Variants in MPRIP observed in about 807,000 individuals in gnomAD.
The protein encoded by MPRIP is myosin phosphatase Rho interacting protein, also known as myosin phosphatase Rho-interacting protein.
Under a neutral mutation model 234.9 loss-of-function variants are expected in MPRIP, and 59 were observed. The observed-to-expected ratio is 0.25, with a 90% CI of 0.20 to 0.31. MPRIP has a LOEUF of 0.31. Ranked by LOEUF, MPRIP falls within the 10% of genes least tolerant of loss-of-function variation. MPRIP has a pLI of 1.00. For synonymous variants in MPRIP, 1,144 were observed against 1,263.9 expected, an observed-to-expected ratio of 0.91 and a Z score of 2.01; for missense variants, 2,436 against 3,071.0, an observed-to-expected ratio of 0.79 and a Z score of 4.89.
Position 17,080,715 on chromosome 17 carries a change from T to C in MPRIP, c.267+2639T>C, listed in dbSNP as rs768393548. Among the ~76,000 whole-genome samples, 50 of 152,244 alleles carry C rather than the reference T, an allele frequency of 3.3e-4. 1 individual carries two copies. Among genetic ancestry groups the C allele is most frequent in the Admixed American group, 1.1e-3 (17 of 15,284 alleles). ...GTCAACAGTGCCAAGGCCAAGAAAC[T>C]GAGCAGTTTCGACAGGGGTTTATTT... On this transcript the variant is annotated intron_variant, in intron 3 of 23. Coordinates refer to ENST00000651222, the MANE Select transcript of MPRIP (RefSeq NM_001364716.4).
intron 1 of MPRIP, among the ~76,000 whole-genome samples, chr17:17,052,544 C>T (rs964830749): frequency 1.5e-4 from 23 of 152,130 alleles, no homozygotes; most frequent in African/African-American, 4.1e-4. Context: ...AAGTCCAGCA[C>T]GATTTTTTCC....
In MPRIP at chr17:17,078,789, A is replaced by G. The variant is rs938448761; in HGVS notation, c.267+713A>G. Among the ~76,000 whole-genome samples, 1 of 152,214 alleles carries G rather than the reference A, an allele frequency of 6.6e-6. No homozygotes were observed. The highest frequency in any genetic ancestry group is 1.5e-5 in the Non-Finnish European group (1 of 68,048). Reference sequence around the variant, plus strand: ...CTCTAAAGGAGATTAGTCTCTCCTAATTAATCTAAAGTAGGACTGCATTCC... The same window carrying G: ...CTCTAAAGGAGATTAGTCTCTCCTAGTTAATCTAAAGTAGGACTGCATTCC... On this transcript the variant is annotated intron_variant, in intron 3 of 23. Coordinates refer to ENST00000651222, the MANE Select transcript of MPRIP (RefSeq NM_001364716.4). This position sits in a 1 kb window ranked among gnomAD's most constrained non-coding sequence, Gnocchi z 4.3.
At chr17:17,155,344 G>T (rs983787454) in intron 13 of MPRIP, among the ~76,000 whole-genome samples, 2 of 151,492 alleles carry the variant, frequency 1.3e-5, no homozygotes, top group African/African-American at 2.4e-5. Context: ...CCTCCACCTC[G>T]TGGGTTCAAG....
At chr17:17,048,803 C>A in intron 1 of MPRIP, among the ~76,000 whole-genome samples, 1 of 152,250 alleles carries the variant, frequency 6.6e-6, no homozygotes, top group Non-Finnish European at 1.5e-5. Context: ...TAAAACCTAC[C>A]ACGTGAGCCA....
In MPRIP at chr17:17,184,825, T is replaced by A; in HGVS notation, c.7209T>A (p.Ser2403Arg). ...CCTCCTGCTCTGTCTCTACCCAGAG[T>A]CTGAAGGAAGGCCTGACGGTGCAAG... is the stretch of plus-strand genomic sequence containing the variant. ...TRQLRNIRSK[S>R]LKEGLTVQER... Residue 2403 changes from serine to arginine, a missense_variant and splice_region_variant, in exon 24 of 24, where the codon AGT becomes AGA. Around this residue, in one of 4 missense-constraint regions of MPRIP, gnomAD observed 1,998 missense variants for 2,520.3 expected, o/e 0.79. Transcript: ENST00000651222. 6.2e-7 allele frequency: 1 copy of A among 1,611,638 alleles called. No homozygotes were observed.
chr17:17,131,505 G>A, intron 4 of MPRIP, 112 bp from the exon 5 acceptor site: 2 of 839,820 alleles, frequency 2.4e-6, no homozygotes, highest in South Asian at 1.5e-5. Context: ...GTAGCAGTCT[G>A]TCACTGGGGA....
intron 14 of MPRIP, among the ~76,000 whole-genome samples, chr17:17,160,302 G>C (rs1964849256): frequency 6.6e-6 from 1 of 152,174 alleles, no homozygotes. Context: ...GGAGGCAGAG[G>C]TTGCAGTGAC....
At chr17:17,112,278 C>T (rs892687180) in intron 3 of MPRIP, among the ~76,000 whole-genome samples, 4 of 152,274 alleles carry the variant, frequency 2.6e-5, no homozygotes, top group East Asian at 1.9e-4. Context: ...GGACAAGTCT[C>T]GAGCCTTGTG....
chr17:17,134,654 G>A (rs2090659184), intron 5 of MPRIP, among the ~76,000 whole-genome samples: 1 of 152,192 alleles, frequency 6.6e-6, no homozygotes, highest in Non-Finnish European at 1.5e-5. Context: ...AGTGCCAACA[G>A]CTTTGGACCC....
At chr17:17,089,605 T>A (rs918187123) in intron 3 of MPRIP, among the ~76,000 whole-genome samples, 1 of 152,098 alleles carries the variant, frequency 6.6e-6, no homozygotes, top group African/African-American at 2.4e-5. Context: ...GTATCTGGGA[T>A]TACAGATGCT....
rs2046493281 is a variant in MPRIP, at chr17:17,187,253, G to C, written c.*2359G>C. ...TTGAGGCTGGACTTCAGGAATCCTG[G>C]AAAATTAATATGAGTGCAGCATGTG... is the stretch of plus-strand genomic sequence containing the variant. On this transcript the variant is annotated 3_prime_UTR_variant, in exon 24 of 24. Coordinates refer to ENST00000651222, the MANE Select transcript of MPRIP (RefSeq NM_001364716.4). The C allele has an allele frequency of 6.6e-6, 1 of 152,236 alleles. No homozygotes were observed. Among genetic ancestry groups the C allele is most frequent in the African/African-American group, 2.4e-5 (1 of 41,446 alleles). The allele number at this position is 152,236 out of a possible 1,614,324, so 9.4% of individuals were successfully genotyped here.
At chr17:17,137,512 CAAAAA>C (rs35313745) in intron 6 of MPRIP, among the ~76,000 whole-genome samples, 1 of 126,538 alleles carries the variant, frequency 7.9e-6, no homozygotes, top group Non-Finnish European at 1.6e-5. Context: ...GATTGCATCT[CAAAAA>C]AAAAAAAAAA....
chr17:17,127,165 A>T (rs145938256), intron 4 of MPRIP, among the ~76,000 whole-genome samples: 2 of 152,196 alleles, frequency 1.3e-5, no homozygotes, highest in Non-Finnish European at 1.5e-5. Flanking sequence ...CAGTCCCTGA[A>T]TCATATGACC....
chr17:17,162,248 G>A lies in MPRIP; in HGVS notation c.2517+892G>A, dbSNP rs556029631. On this transcript the variant is annotated intron_variant, in intron 15 of 23. Transcript: ENST00000651222. ...GTGCATGTGTCCCCTCCTCTACAGC[G>A]GCAGTCTGCTGCCTGTGTAGACTTA... 3.6e-4 allele frequency among the ~76,000 whole-genome samples: 55 copies of A among 152,292 alleles called. No homozygotes were observed. In the South Asian group the frequency reaches 7.0e-3, roughly 20 times the overall value.
At chr17:17,090,245 C>T (rs929194328) in intron 3 of MPRIP, among the ~76,000 whole-genome samples, 1 of 152,150 alleles carries the variant, frequency 6.6e-6, no homozygotes, top group African/African-American at 2.4e-5. Flanking sequence ...CTGTGCAGTC[C>T]CAGCTGTGAC....
At chr17:17,177,504 A>G (rs2046282333) in intron 22 of MPRIP, 92 bp downstream of exon 22, 2 of 1,393,232 alleles carry the variant, frequency 1.4e-6, no homozygotes, top group Non-Finnish European at 9.8e-7. Flanking sequence ...TTGAAGCAGA[A>G]GAGTCCCAGT....
Position 17,126,813 on chromosome 17 carries a change from G to A in MPRIP, c.379G>A (p.Glu127Lys). 4 of 1,614,228 alleles carry A rather than the reference G, an allele frequency of 2.5e-6. No individual in the cohort carries two copies. The highest frequency in any genetic ancestry group is 2.5e-6 in the Non-Finnish European group (3 of 1,180,018). ...FSLCILTPEK[E>K]HFIRAETKEI... ...CCTGTGTATTCTGACGCCTGAGAAG[G>A]AGCATTTCATCCGGGCGGAGACCAA... is the stretch of plus-strand genomic sequence containing the variant. The change falls in exon 4 of 24, where the codon GAG becomes AAG. Residue 127 changes from glutamate (E) to lysine (K), a missense_variant. Glu to Lys is a moderately conservative substitution (Grantham distance 56, BLOSUM62 1). Transcript: ENST00000651222.
intron 19 of MPRIP, 112 bp from the exon 20 acceptor site, chr17:17,175,181 A>G (rs1367637397): frequency 6.1e-6 from 9 of 1,480,520 alleles, no homozygotes; most frequent in South Asian, 1.1e-5. Context: ...GATCCTGCCT[A>G]CGCAGTTCCA....
At chr17:17,143,529 C>T in intron 8 of MPRIP, 27 bp from the exon 9 acceptor site, 5 of 1,516,812 alleles carry the variant, frequency 3.3e-6, no homozygotes, top group Non-Finnish European at 4.5e-6. Context: ...CTGGGCTGCA[C>T]TGACCAGCGG....
Sources: allele counts gnomAD v4.1 joint callset (sites outside exome capture counted in the v4.1 genomes callset), GRCh38; gene constraint gnomAD v4.1.1; regional missense constraint gnomAD v4.1.1; non-coding constraint Gnocchi (gnomAD v3.1); transcripts MANE v1.5; gene names NCBI Gene and HGNC (gene_info 2026-07-23, HGNC 2026-07-21).